Variants in PTPRD observed in about 807,000 individuals in gnomAD.
PTPRD encodes protein tyrosine phosphatase receptor type D, also known as receptor-type tyrosine-protein phosphatase delta.
Under a neutral mutation model 214.5 loss-of-function variants are expected in PTPRD, and 34 were observed. The ratio of observed to expected loss-of-function variants is 0.16; its 90% CI spans 0.12 to 0.21. The LOEUF is 0.21. Ranked by LOEUF, PTPRD falls within the 10% of genes least tolerant of loss-of-function variation. The probability of loss-of-function intolerance (pLI) is 1.00; values close to 1 mark genes in which losing one functional copy is unlikely to be tolerated. For missense variants in PTPRD, 2,545 were observed against 2,398.7 expected, an observed-to-expected ratio of 1.06 and a Z score of -1.27; for synonymous variants, 1,128 against 845.7, an observed-to-expected ratio of 1.33 and a Z score of -5.79.
intron 9 of PTPRD, among the ~76,000 whole-genome samples, chr9:9,344,788 TA>T (rs1301883848): frequency 6.6e-6 from 1 of 151,968 alleles, no homozygotes; most frequent in Non-Finnish European, 1.5e-5. Context: ...ATAATTTATT[TA>T]AAAAACTTCT....
intron 5 of PTPRD, among the ~76,000 whole-genome samples, chr9:9,828,490 G>C (rs796389994): frequency 6.6e-6 from 1 of 151,982 alleles, no homozygotes; most frequent in Admixed American, 6.6e-5. Flanking sequence ...ATCACACACC[G>C]GGGTCTGTTG....
chr9:10,567,696 A>C (rs2066047089), intron 2 of PTPRD, among the ~76,000 whole-genome samples: 1 of 151,978 alleles, frequency 6.6e-6, no homozygotes, highest in Admixed American at 6.6e-5. Context: ...TGTTTTAAAA[A>C]AACCTTTGGT....
At chr9:9,779,434 A>C (rs1203823295) in intron 5 of PTPRD, among the ~76,000 whole-genome samples, 2 of 152,182 alleles carry the variant, frequency 1.3e-5, no homozygotes, top group Non-Finnish European at 2.9e-5. Flanking sequence ...GAATGGGAGG[A>C]AATATTCACA....
chr9:10,264,325 A>G (rs752910582), intron 3 of PTPRD, among the ~76,000 whole-genome samples: 1 of 152,150 alleles, frequency 6.6e-6, no homozygotes, highest in Non-Finnish European at 1.5e-5. Flanking sequence ...CAGACACTCA[A>G]TGGCAGTCCA....
chr9:8,586,345 C>A (rs55756484), intron 14 of PTPRD, among the ~76,000 whole-genome samples: 1 of 152,102 alleles, frequency 6.6e-6, no homozygotes, highest in Non-Finnish European at 1.5e-5. Context: ...TAAATAGACT[C>A]TATAACCAGC....
chr9:9,778,677 C>T (rs2098818916), intron 5 of PTPRD, among the ~76,000 whole-genome samples: 1 of 152,066 alleles, frequency 6.6e-6, no homozygotes, highest in Non-Finnish European at 1.5e-5. Flanking sequence ...CTTAGCAGCC[C>T]AGCCTGAATG....
At chr9:10,055,317 G>C (rs1381125280) in intron 3 of PTPRD, among the ~76,000 whole-genome samples, 1 of 152,070 alleles carries the variant, frequency 6.6e-6, no homozygotes, top group Admixed American at 6.6e-5. Flanking sequence ...AAGTAATGGA[G>C]TTTACAAAGA....
At chr9:10,327,457 A>T (rs1324505615) in intron 3 of PTPRD, among the ~76,000 whole-genome samples, 2 of 151,454 alleles carry the variant, frequency 1.3e-5, no homozygotes, top group Non-Finnish European at 3.0e-5. Flanking sequence ...GAATTATTGT[A>T]AGGTCTCACG....
chr9:9,932,074 T>C (rs1337580967), intron 5 of PTPRD, among the ~76,000 whole-genome samples: 1 of 149,638 alleles, frequency 6.7e-6, no homozygotes, highest in Non-Finnish European at 1.5e-5. Context: ...AAAACCCATC[T>C]GTACATCACC....
intron 9 of PTPRD, among the ~76,000 whole-genome samples, chr9:9,199,835 T>C (rs1371536146): frequency 6.6e-6 from 1 of 152,168 alleles, no homozygotes; most frequent in Non-Finnish European, 1.5e-5. Context: ...TGAAATCTTA[T>C]TTACAAAAAA....
intron 4 of PTPRD, among the ~76,000 whole-genome samples, chr9:10,012,559 A>C (rs1419435738): frequency 6.6e-6 from 1 of 152,020 alleles, no homozygotes; most frequent in African/African-American, 2.4e-5. Context: ...TTAGATTACT[A>C]AACTATAAGA....
At chr9:8,371,790 A>G (rs1339559437) in intron 39 of PTPRD, among the ~76,000 whole-genome samples, 1 of 152,100 alleles carries the variant, frequency 6.6e-6, no homozygotes, top group East Asian at 1.9e-4. Flanking sequence ...GTTGAACACC[A>G]TCAGGTAGAG....
In PTPRD at chr9:9,645,787, T is replaced by C. The variant is rs79756147; in HGVS notation, c.-286-71006A>G. On this transcript the variant is annotated intron_variant, in intron 7 of 45. Transcript: ENST00000381196. The stretch of plus-strand genomic sequence containing the variant: ...CACCATTTTAACATTCATATCTTTA[T>C]CTTTCTCCTGAATAATTTAAAGATA... Among the ~76,000 whole-genome samples the C allele has an allele frequency of 4.9e-3, 742 of 152,252 alleles. 6 individuals carry two copies. The highest frequency in any genetic ancestry group is 0.016 in the African/African-American group (669 of 41,560).
intron 3 of PTPRD, among the ~76,000 whole-genome samples, chr9:10,209,404 A>C (rs760605141): frequency 6.6e-6 from 1 of 152,134 alleles, no homozygotes; most frequent in Non-Finnish European, 1.5e-5. Context: ...TTCTGCTCAG[A>C]TTAGTGGCAA....
At chr9:9,395,323 C>A (rs2141092320) in intron 9 of PTPRD, among the ~76,000 whole-genome samples, 1 of 152,156 alleles carries the variant, frequency 6.6e-6, no homozygotes, top group East Asian at 1.9e-4. Context: ...ATTTTCAACT[C>A]CATTTCCTGA....
At chr9:9,868,766 A>C (rs2064672720) in intron 5 of PTPRD, among the ~76,000 whole-genome samples, 1 of 149,976 alleles carries the variant, frequency 6.7e-6, no homozygotes, top group Non-Finnish European at 1.5e-5. Context: ...ACTTTCAAAC[A>C]GAAAGCACAA....
intron 3 of PTPRD, among the ~76,000 whole-genome samples, chr9:10,223,175 G>C (rs1594673607): frequency 1.3e-5 from 2 of 151,152 alleles, no homozygotes; most frequent in South Asian, 4.2e-4. Context: ...TCTCTTGCTA[G>C]TCTCTTTCCC....
At chr9:10,257,606 T>C (rs1007349027) in intron 3 of PTPRD, among the ~76,000 whole-genome samples, 13 of 152,210 alleles carry the variant, frequency 8.5e-5, no homozygotes, top group Non-Finnish European at 1.6e-4. Context: ...TATGGTGCCA[T>C]ATACATTTCA....
intron 8 of PTPRD, among the ~76,000 whole-genome samples, chr9:9,553,331 T>A (rs954224672): frequency 6.6e-6 from 1 of 152,096 alleles, no homozygotes; most frequent in Non-Finnish European, 1.5e-5. Context: ...TTATTAATAA[T>A]ATTCATTGCC....
Sources: gnomAD v4.1 joint callset for allele counts (sites outside exome capture counted in the v4.1 genomes callset) on GRCh38, gnomAD v4.1.1 for gene constraint, MANE v1.5 for transcripts, NCBI Gene and HGNC (gene_info 2026-07-23, HGNC 2026-07-21) for gene names.